PARM1: variants seen among roughly 807,000 people sequenced by gnomAD.
PARM1 encodes the protein prostate androgen-regulated mucin-like protein 1.
A neutral mutation model predicts 24.6 loss-of-function variants in PARM1; 14 were observed. That is an observed-to-expected ratio of 0.57 (90% CI 0.38 to 0.89). The LOEUF (loss-of-function observed/expected upper bound fraction) is 0.89, where lower values mean the gene tolerates loss of function less well. PARM1 is among the 40% of genes least tolerant of loss of function. PARM1 has a pLI of 0.00. For synonymous variants in PARM1, 179 were observed against 156.6 expected, an observed-to-expected ratio of 1.14 and a Z score of -1.07; for missense variants, 362 against 380.4, an observed-to-expected ratio of 0.95 and a Z score of 0.40.
chr4:75,025,513 G>A (rs759591220), intron 2 of PARM1, among the ~76,000 whole-genome samples: 9 of 152,160 alleles, frequency 5.9e-5, no homozygotes, highest in East Asian at 1.9e-4. Flanking sequence ...GGCTTCATTC[G>A]TGTGGGAAAA....
intron 1 of PARM1, among the ~76,000 whole-genome samples, chr4:74,954,992 C>G (rs541430355): frequency 6.6e-5 from 10 of 152,160 alleles, no homozygotes; most frequent in African/African-American, 1.9e-4. Context: ...GATAAAGTTT[C>G]CTTCTAAAAG....
At chr4:75,009,913 G>T (rs986591978) in intron 1 of PARM1, among the ~76,000 whole-genome samples, 2 of 152,144 alleles carry the variant, frequency 1.3e-5, no homozygotes, top group African/African-American at 4.8e-5. Flanking sequence ...TTCTCTTATT[G>T]TGAAAGACGA....
chr4:75,014,954 G>A (rs569688868), intron 2 of PARM1, among the ~76,000 whole-genome samples: 5 of 152,228 alleles, frequency 3.3e-5, no homozygotes, highest in East Asian at 1.9e-4. Context: ...ACTTTGATGC[G>A]ATATCTTAAG....
At chr4:74,945,692 T>C (rs186461978) in intron 1 of PARM1, among the ~76,000 whole-genome samples, 1 of 152,342 alleles carries the variant, frequency 6.6e-6, no homozygotes, top group East Asian at 1.9e-4. Context: ...TTGTCACATA[T>C]GGGAGCAATT....
intron 2 of PARM1, among the ~76,000 whole-genome samples, chr4:75,017,726 G>A (rs1307501480): frequency 1.3e-5 from 2 of 152,218 alleles, no homozygotes; most frequent in African/African-American, 4.8e-5. Context: ...TTTGCAAATA[G>A]GAAGATATGG....
intron 1 of PARM1, among the ~76,000 whole-genome samples, chr4:74,983,780 CT>C (rs1560783274): frequency 3.3e-5 from 5 of 152,322 alleles, no homozygotes; most frequent in Admixed American, 1.3e-4. Flanking sequence ...CACCCCACCC[CT>C]TCACCTTCCA....
intron 1 of PARM1, among the ~76,000 whole-genome samples, chr4:74,949,855 C>T (rs1721490440): frequency 7.1e-6 from 1 of 141,308 alleles, no homozygotes. Flanking sequence ...TTTTTTTCAA[C>T]ATAATCTGCT....
intron 1 of PARM1, among the ~76,000 whole-genome samples, chr4:74,991,095 A>G (rs1382579081): frequency 5.3e-5 from 8 of 152,182 alleles, no homozygotes; most frequent in Non-Finnish European, 8.8e-5. Context: ...GTCAGATAAC[A>G]TGGGTTCCGC....
At chr4:74,978,796 T>C (rs1369464486) in intron 1 of PARM1, among the ~76,000 whole-genome samples, 2 of 152,118 alleles carry the variant, frequency 1.3e-5, no homozygotes, top group African/African-American at 4.8e-5. Flanking sequence ...GAACTCAAGA[T>C]TAAGAAACTT....
chr4:74,991,470 T>C (rs1290747959), intron 1 of PARM1, among the ~76,000 whole-genome samples: 3 of 152,034 alleles, frequency 2.0e-5, no homozygotes, highest in African/African-American at 7.2e-5. Context: ...AATGTTAAGG[T>C]AGGCTAAAGC....
In PARM1 at chr4:75,048,476, G is replaced by C. The variant is rs1293245294; in HGVS notation, c.*2229G>C. 6.6e-6 allele frequency: 1 copy of C among 152,284 alleles called. No individual in the cohort carries two copies. Among genetic ancestry groups the C allele is most frequent in the Middle Eastern group, 3.4e-3 (1 of 294 alleles). The allele number at this position is 152,284 out of a possible 1,614,324, so 9.4% of individuals were successfully genotyped here. On this transcript the variant is annotated 3_prime_UTR_variant, in exon 4 of 4. Transcript: ENST00000307428. ...ATCACAGGGCTTTCAGTTTGGCAAA[G>C]GAAAAGCAGATAAAAACAGAACATT...
intron 1 of PARM1, among the ~76,000 whole-genome samples, chr4:74,933,773 C>G (rs1333206186): frequency 6.6e-6 from 1 of 152,118 alleles, no homozygotes; most frequent in Non-Finnish European, 1.5e-5. Flanking sequence ...GATGAAAAAG[C>G]CGGGGAAGTG....
chr4:75,019,638 C>T (rs1265785988), intron 2 of PARM1, among the ~76,000 whole-genome samples: 1 of 152,190 alleles, frequency 6.6e-6, no homozygotes, highest in African/African-American at 2.4e-5. Flanking sequence ...CTCTACAAGA[C>T]ACCCATAAAC....
intron 1 of PARM1, among the ~76,000 whole-genome samples, chr4:75,007,842 C>T (rs1031219656): frequency 6.6e-6 from 1 of 152,158 alleles, no homozygotes; most frequent in African/African-American, 2.4e-5. Context: ...TGTCTTCACT[C>T]GCATGCCATG....
chr4:74,993,329 T>C lies in PARM1; in HGVS notation c.44-19096T>C, dbSNP rs375628358. Among the ~76,000 whole-genome samples, 507 of 152,246 alleles carry C rather than the reference T, an allele frequency of 3.3e-3. 6 individuals are homozygous for C. The highest frequency in any genetic ancestry group is 0.011 in the African/African-American group (472 of 41,546). On this transcript the variant is annotated intron_variant, in intron 1 of 3. Transcript: ENST00000307428. ...CCAGGGCCTGAATTCTGCCAACCACTGTATGAATGAGCTTAGTAGCAGTTT... is the reference window on the plus strand; with the variant it reads ...CCAGGGCCTGAATTCTGCCAACCACCGTATGAATGAGCTTAGTAGCAGTTT...
At chr4:74,993,645 A>C (rs907231086) in intron 1 of PARM1, among the ~76,000 whole-genome samples, 1 of 152,164 alleles carries the variant, frequency 6.6e-6, no homozygotes, top group Non-Finnish European at 1.5e-5. Context: ...TGAGTGTTTC[A>C]GGTAAAAAGA....
chr4:74,997,339 C>T (rs1412221142), intron 1 of PARM1, among the ~76,000 whole-genome samples: 2 of 152,184 alleles, frequency 1.3e-5, no homozygotes, highest in Non-Finnish European at 2.9e-5. Context: ...AGTTCTCTCT[C>T]TCTGATGGAT....
chr4:74,949,544 C>G (rs947404836), intron 1 of PARM1, among the ~76,000 whole-genome samples: 2 of 152,212 alleles, frequency 1.3e-5, no homozygotes, highest in Non-Finnish European at 1.5e-5. Flanking sequence ...GATCTCCTGA[C>G]CTTGTGATCC....
At chr4:74,976,719 T>G (rs1722143110) in intron 1 of PARM1, among the ~76,000 whole-genome samples, 1 of 152,202 alleles carries the variant, frequency 6.6e-6, no homozygotes, top group Non-Finnish European at 1.5e-5. Flanking sequence ...TGGCTGCCCT[T>G]CTGTGACAGG....
Sources: gnomAD v4.1 joint callset for allele counts (sites outside exome capture counted in the v4.1 genomes callset) on GRCh38, gnomAD v4.1.1 for gene constraint, MANE v1.5 for transcripts, NCBI Gene and HGNC (gene_info 2026-07-23, HGNC 2026-07-21) for gene names.